Variants in MET observed in about 807,000 individuals in gnomAD.
MET encodes the protein MET proto-oncogene, receptor tyrosine kinase.
In MET, 48 loss-of-function variants were observed where a neutral mutation model predicts 133.1. That is an observed-to-expected ratio of 0.36 (90% CI 0.29 to 0.46). MET has a LOEUF of 0.46. Among genes scored for constraint, MET ranks in the 20% least tolerant of loss-of-function variants. The pLI, the probability that MET is intolerant of heterozygous loss-of-function variation, is 1.00. For missense variants in MET, 1,442 were observed against 1,695.9 expected (o/e 0.85, Z 2.63); for synonymous variants, 628 against 616.5 (o/e 1.02, Z -0.28).
At chr7:116,745,380 A>T (rs1439494694) in intron 5 of MET, among the ~76,000 whole-genome samples, 2 of 152,364 alleles carry the variant, frequency 1.3e-5, no homozygotes, top group African/African-American at 4.8e-5. Flanking sequence ...ATTCAATGCC[A>T]TCCCCATCAA....
intron 19 of MET, among the ~76,000 whole-genome samples, chr7:116,786,830 C>T (rs1269775940): frequency 1.3e-5 from 2 of 152,148 alleles, no homozygotes; most frequent in East Asian, 1.9e-4. Context: ...GGGTTGGTAG[C>T]TTTTGAGAGA....
At chr7:116,710,747 T>C (rs541141654) in intron 2 of MET, among the ~76,000 whole-genome samples, 6 of 152,112 alleles carry the variant, frequency 3.9e-5, no homozygotes, top group Non-Finnish European at 7.4e-5. Context: ...AGGGTAACCA[T>C]GGTGTTAACT....
chr7:116,734,607 G>A (rs565554780), intron 3 of MET, among the ~76,000 whole-genome samples: 18 of 152,298 alleles, frequency 1.2e-4, no homozygotes, highest in African/African-American at 4.3e-4. Context: ...ATATATTTAA[G>A]TCTCAATATC....
chr7:116,786,173 A>C (rs1265160652), intron 19 of MET, among the ~76,000 whole-genome samples: 1 of 152,212 alleles, frequency 6.6e-6, no homozygotes, highest in East Asian at 1.9e-4. Context: ...GTGTCCTCAC[A>C]TGGCTAAAAG....
chr7:116,673,867 G>A (rs529373051), intron 1 of MET, among the ~76,000 whole-genome samples: 1 of 152,162 alleles, frequency 6.6e-6, no homozygotes, highest in Non-Finnish European at 1.5e-5. Context: ...TGGAACATAA[G>A]TGAGGTACTT....
chr7:116,751,875 C>T (rs1793935084), intron 5 of MET, among the ~76,000 whole-genome samples: 1 of 152,016 alleles, frequency 6.6e-6, no homozygotes, highest in Non-Finnish European at 1.5e-5. Flanking sequence ...TCCTGGCTAA[C>T]ACGGTGAAAC....
intron 3 of MET, among the ~76,000 whole-genome samples, chr7:116,737,968 G>A (rs1009778972): frequency 6.6e-6 from 1 of 152,186 alleles, no homozygotes; most frequent in Non-Finnish European, 1.5e-5. Flanking sequence ...TGATTGTTAT[G>A]TAGCCGGTCT....
chr7:116,792,250 G>T (rs1795524473), intron 19 of MET, among the ~76,000 whole-genome samples: 2 of 151,752 alleles, frequency 1.3e-5, no homozygotes, highest in South Asian at 2.1e-4. Context: ...TCATTTCTTT[G>T]ATCATCACCT....
intron 19 of MET, 109 bp downstream of exon 19, chr7:116,783,578 CA>C (rs1795217915): frequency 9.3e-7 from 1 of 1,072,970 alleles, no homozygotes; most frequent in African/African-American, 1.6e-5. Flanking sequence ...CCACCAATTC[CA>C]GTTTTCTTCA....
chr7:116,754,952 A>AAAGAAAGG (rs3993905), intron 5 of MET, among the ~76,000 whole-genome samples: 1 of 129,616 alleles, frequency 7.7e-6, no homozygotes, highest in African/African-American at 2.8e-5. Context: ...AGAAAGAAAG[A>AAAGAAAGG]GAAAGAAAGA....
chr7:116,749,674 TG>T lies in MET; in HGVS notation c.1702-5680del, dbSNP rs571698885. ...GGAAGAGAGGAAGTCAAATTGTCTC[TG>T]TTTGCAGATGACATGATTGCATATT... On this transcript the variant is annotated intron_variant, in intron 5 of 20. Coordinates refer to ENST00000397752, the MANE Select transcript of MET (RefSeq NM_000245.4). Among the ~76,000 whole-genome samples, 303 of 152,308 alleles carry T rather than the reference TG, an allele frequency of 2.0e-3. 3 individuals carry two copies. The highest frequency in any genetic ancestry group is 7.0e-3 in the African/African-American group (290 of 41,566).
chr7:116,751,567 T>C (rs1488126201), intron 5 of MET, among the ~76,000 whole-genome samples: 1 of 152,206 alleles, frequency 6.6e-6, no homozygotes, highest in African/African-American at 2.4e-5. Flanking sequence ...TTAACCTGCT[T>C]TTCAAGGTAC....
intron 3 of MET, among the ~76,000 whole-genome samples, chr7:116,732,526 G>A (rs781644862): frequency 6.6e-6 from 1 of 152,170 alleles, no homozygotes; most frequent in Non-Finnish European, 1.5e-5. Flanking sequence ...TCTCTTGTTG[G>A]GTTGGTTTTT....
At chr7:116,711,516 A>G (rs1791991706) in intron 2 of MET, among the ~76,000 whole-genome samples, 1 of 152,240 alleles carries the variant, frequency 6.6e-6, no homozygotes, top group African/African-American at 2.4e-5. Context: ...CTTCTTCAAA[A>G]TAAAGCCTGG....
chr7:116,731,830 C>A lies in MET; in HGVS notation c.1363C>A (p.Leu455Ile), dbSNP rs780077898. The A allele has an allele frequency of 1.2e-6, 2 of 1,614,116 alleles. No individual in the cohort carries two copies. The highest frequency in any genetic ancestry group is 1.7e-6 in the Non-Finnish European group (2 of 1,179,966). Reference protein sequence around the residue: ...FIKGDLTIANLGTSEGRFMQV... With the variant: ...FIKGDLTIANIGTSEGRFMQV... ...TAAAGGAGACCTCACCATAGCTAAT[C>A]TTGGGACATCAGAGGGTCGCTTCAT... is the stretch of plus-strand genomic sequence containing the variant. The change falls in exon 3 of 21, where the codon CTT (leucine) becomes ATT (isoleucine). Residue 455 changes from leucine to isoleucine, a missense_variant. By Grantham distance (5) the Leu-to-Ile change is conservative (BLOSUM62 2). This residue lies in a region of MET where 762 missense variants were observed against 792.4 expected (regional missense o/e 0.96). Transcript: ENST00000397752.
chr7:116,730,860 A>ATGTTATCT (rs1792976601), intron 2 of MET, among the ~76,000 whole-genome samples: 1 of 152,054 alleles, frequency 6.6e-6, no homozygotes, highest in Admixed American at 6.5e-5. Context: ...TACTTGAGTG[A>ATGTTATCT]TGTTATCTAC....
At chr7:116,692,148 G>A (rs769635709) in intron 1 of MET, among the ~76,000 whole-genome samples, 3 of 152,276 alleles carry the variant, frequency 2.0e-5, no homozygotes, top group East Asian at 1.9e-4. Flanking sequence ...TGCTCATTTA[G>A]TAGATTTCAG....
In MET at chr7:116,700,243, C is replaced by T. The variant is rs757846126; in HGVS notation, c.1159C>T (p.Gln387Ter). Residue 387 changes from glutamine (Q) to a stop codon, truncating the protein, a stop_gained, in exon 2 of 21, where the codon CAG (glutamine) becomes TAG (stop). Transcript: ENST00000397752. LOFTEE classifies it high-confidence loss of function. ...IVNKNNVRCL[Q>*]HFYGPNHEHC... ...CAACAAAAACAATGTGAGATGTCTC[C>T]AGCATTTTTACGGACCCAATCATGA... 6 of 1,602,028 alleles carry T rather than the reference C, an allele frequency of 3.7e-6. No individual in the cohort carries two copies. The African/African-American group carries it at 4.0e-5, about 11-fold the overall frequency.
At chr7:116,754,641 G>A (rs956105088) in intron 5 of MET, among the ~76,000 whole-genome samples, 1 of 151,176 alleles carries the variant, frequency 6.6e-6, no homozygotes, top group Admixed American at 6.6e-5. Flanking sequence ...GCAACGTAGT[G>A]AGACCCTGTC....
Sources: gnomAD v4.1 joint callset for allele counts (sites outside exome capture counted in the v4.1 genomes callset) on GRCh38, gnomAD v4.1.1 for gene constraint, gnomAD v4.1.1 regional missense constraint, MANE v1.5 for transcripts, NCBI Gene and HGNC (gene_info 2026-07-23, HGNC 2026-07-21) for gene names.